Variants in FGF14 observed in about 807,000 individuals in gnomAD.
FGF14 encodes fibroblast growth factor 14.
In FGF14, 5 loss-of-function variants were observed where a neutral mutation model predicts 25.5. The observed-to-expected ratio is 0.20, with a 90% CI of 0.10 to 0.41. FGF14 has a LOEUF of 0.41. Among genes scored for constraint, FGF14 ranks in the 10% least tolerant of loss-of-function variants. The pLI is 1.00. For synonymous variants in FGF14, 138 were observed against 118.3 expected, an observed-to-expected ratio of 1.17 and a Z score of -1.08; for missense variants, 222 against 320.1, an observed-to-expected ratio of 0.69 and a Z score of 2.34.
Position 102,198,942 on chromosome 13 carries a change from C to G in FGF14, c.208+202529G>C, listed in dbSNP as rs1449957679. Among the ~76,000 whole-genome samples, 4 of 152,180 alleles carry G rather than the reference C, an allele frequency of 2.6e-5. No homozygotes were observed. The South Asian group carries it at 8.3e-4, about 32-fold the overall frequency. ...CACTCTTTGTCAAACTCTAAAACTA[C>G]GACTGCCTCAGTGAAACCCCCAATA... On this transcript the variant is annotated intron_variant, in intron 1 of 4. Coordinates refer to the FGF14 transcript ENST00000376131.
At chr13:101,949,935 G>T (rs2036047004) in intron 1 of FGF14, among the ~76,000 whole-genome samples, 1 of 152,186 alleles carries the variant, frequency 6.6e-6, no homozygotes, top group Non-Finnish European at 1.5e-5. Flanking sequence ...TTTTTAAAGG[G>T]AGGTCTTGGG....
At chr13:102,024,943 A>G (rs1052315490) in intron 1 of FGF14, among the ~76,000 whole-genome samples, 2 of 141,498 alleles carry the variant, frequency 1.4e-5, no homozygotes, top group East Asian at 1.9e-4. Flanking sequence ...TTACTGGTGT[A>G]TATATATATA....
At chr13:102,135,060 C>CACACACACAA (rs1309843867) in intron 1 of FGF14, among the ~76,000 whole-genome samples, 1 of 139,154 alleles carries the variant, frequency 7.2e-6, no homozygotes, top group African/African-American at 2.6e-5. Flanking sequence ...CACACACACA[C>CACACACACAA]AAATCCGCGT....
intron 1 of FGF14, among the ~76,000 whole-genome samples, chr13:102,094,272 C>T (rs570499736): frequency 6.6e-6 from 1 of 152,214 alleles, no homozygotes; most frequent in Admixed American, 6.5e-5. Flanking sequence ...GGTATGACAA[C>T]TTAATAAAGG....
chr13:101,869,923 G>C (rs540686741), intron 2 of FGF14, among the ~76,000 whole-genome samples: 1 of 152,194 alleles, frequency 6.6e-6, no homozygotes, highest in South Asian at 2.1e-4. Context: ...CCTCCTAATA[G>C]GTTGAAGAAA....
intron 1 of FGF14, among the ~76,000 whole-genome samples, chr13:102,010,490 GA>G (rs544948581): frequency 2.0e-5 from 3 of 151,418 alleles, no homozygotes; most frequent in Admixed American, 2.0e-4. Context: ...TAACCACTGA[GA>G]AAAAAAAGAA....
chr13:102,181,434 T>C (rs373353188), intron 1 of FGF14, among the ~76,000 whole-genome samples: 7 of 152,042 alleles, frequency 4.6e-5, no homozygotes, highest in African/African-American at 1.7e-4. Flanking sequence ...TGTGCCTTTA[T>C]TTGGAAAAAG....
At chr13:101,830,185 G>A (rs1190206393) in intron 3 of FGF14, among the ~76,000 whole-genome samples, 4 of 152,094 alleles carry the variant, frequency 2.6e-5, no homozygotes, top group Non-Finnish European at 5.9e-5. Flanking sequence ...CATACTTGTA[G>A]CTCTAGAGAA....
intron 1 of FGF14, among the ~76,000 whole-genome samples, chr13:102,161,565 TGAAGAAAGAAAGAAGAAGAAGAAGAAGAA>T (rs144289607): frequency 2.0e-5 from 2 of 97,926 alleles, no homozygotes; most frequent in Non-Finnish European, 4.8e-5. Flanking sequence ...CAACTTTCTG[TGAAGAAAGAAAGAAGAAGAAGAAGAAGAA>T]GAAGAAGAAG....
intron 3 of FGF14, among the ~76,000 whole-genome samples, chr13:101,859,237 G>A (rs2044284712): frequency 6.6e-6 from 1 of 151,910 alleles, no homozygotes; most frequent in Non-Finnish European, 1.5e-5. Context: ...TAATCAAGAA[G>A]TACAGATTAA....
At chr13:102,204,341 A>G (rs2049808134) in intron 1 of FGF14, among the ~76,000 whole-genome samples, 1 of 152,088 alleles carries the variant, frequency 6.6e-6, no homozygotes, top group South Asian at 2.1e-4. Context: ...CCCATCTCAG[A>G]TATCTAAGCT....
At chr13:102,009,855 G>C (rs777044340) in intron 1 of FGF14, among the ~76,000 whole-genome samples, 10 of 151,978 alleles carry the variant, frequency 6.6e-5, no homozygotes, top group Non-Finnish European at 1.3e-4. Context: ...ACATGTTTTA[G>C]AAATATAGAG....
chr13:101,802,893 C>T (rs1029673869), intron 3 of FGF14, among the ~76,000 whole-genome samples: 1 of 152,096 alleles, frequency 6.6e-6, no homozygotes, highest in African/African-American at 2.4e-5. Context: ...TTTGAGGCCC[C>T]TGGCTTCGTG....
intron 1 of FGF14, among the ~76,000 whole-genome samples, chr13:101,967,968 A>G (rs2037323377): frequency 6.6e-6 from 1 of 152,244 alleles, no homozygotes. Context: ...AAGTTCACCC[A>G]TAACTGTAAT....
At chr13:102,242,534 A>G (rs1282742654) in intron 1 of FGF14, among the ~76,000 whole-genome samples, 1 of 152,066 alleles carries the variant, frequency 6.6e-6, no homozygotes, top group Non-Finnish European at 1.5e-5. Flanking sequence ...AAAGGGGCCC[A>G]AATTTGTTAT....
At chr13:102,183,503 G>C (rs1323164274) in intron 1 of FGF14, among the ~76,000 whole-genome samples, 1 of 152,162 alleles carries the variant, frequency 6.6e-6, no homozygotes, top group Non-Finnish European at 1.5e-5. Context: ...GTAGCTTAAT[G>C]AAAAGCATCT....
chr13:101,926,094 C>G (rs1317822383), intron 1 of FGF14, among the ~76,000 whole-genome samples: 1 of 152,198 alleles, frequency 6.6e-6, no homozygotes, highest in Non-Finnish European at 1.5e-5. Flanking sequence ...AACTTAATCA[C>G]ATCTGCAAAA....
intron 1 of FGF14, among the ~76,000 whole-genome samples, chr13:101,884,576 A>G (rs772716320): frequency 6.6e-6 from 1 of 152,104 alleles, no homozygotes; most frequent in Non-Finnish European, 1.5e-5. Flanking sequence ...CATCATTAAT[A>G]TATGAATAAA....
At chr13:102,319,108 G>A (rs2056145882) in intron 1 of FGF14, among the ~76,000 whole-genome samples, 2 of 152,294 alleles carry the variant, frequency 1.3e-5, no homozygotes, top group East Asian at 1.9e-4. Flanking sequence ...TGAATTTGAA[G>A]TTGGAGTGCT....
Sources: allele counts gnomAD v4.1 joint callset (sites outside exome capture counted in the v4.1 genomes callset), GRCh38; gene constraint gnomAD v4.1.1; transcripts MANE v1.5; gene names NCBI Gene and HGNC (gene_info 2026-07-23, HGNC 2026-07-21).